LYRM9: variants seen among roughly 807,000 people sequenced by gnomAD.
LYRM9 encodes LYR motif containing 9.
In LYRM9, 14 loss-of-function variants were observed where a neutral mutation model predicts 12.6. That is an observed-to-expected ratio of 1.11 (90% CI 0.73 to 1.73). The LOEUF is 1.73. Among genes scored for constraint, LYRM9 ranks in the 40% most tolerant of loss-of-function variants. The pLI, the probability that LYRM9 is intolerant of heterozygous loss-of-function variation, is 0.00. For missense variants in LYRM9, 94 were observed against 95.0 expected (o/e 0.99, Z 0.04); for synonymous variants, 42 against 35.1 (o/e 1.20, Z -0.69).
rs1905003234 is a variant in LYRM9, at chr17:27,880,270, C to G, written c.219+4G>C. On this transcript the variant is annotated splice_donor_region_variant and intron_variant, in intron 3 of 3. Coordinates refer to ENST00000379102, the MANE Select transcript of LYRM9 (RefSeq NM_001076680.3). The stretch of plus-strand genomic sequence containing the variant: ...CAGGCAGAGCCCAGGGGCCAAGCAC[C>G]TACTTTGTTCATGATCCAGTCAGCA... The G allele has an allele frequency of 6.2e-7, 1 of 1,604,144 alleles. No individual in the cohort carries two copies. The highest frequency in any genetic ancestry group is 2.2e-5 in the East Asian group (1 of 44,664).
At chr17:27,880,099 A>G (rs546056970) in intron 3 of LYRM9, 175 bp downstream of exon 3, 1 of 707,968 alleles carries the variant, frequency 1.4e-6, no homozygotes, top group African/African-American at 1.7e-5. Context: ...TATAAATGCA[A>G]CCAGAAGGGA....
rs181695478 is a variant in LYRM9 at position 27,882,584 on chromosome 17, C to A, written c.111G>T (p.Lys37Asn). ...LPTKGIQQHY[K>N]HAVRQSFRVH... Reference sequence around the variant, plus strand: ...CAGCTCGCACCTGCCTGACAGCATGCTTGTAATGCTGCTGGATGCCCTTGG... The same window carrying A: ...CAGCTCGCACCTGCCTGACAGCATGATTGTAATGCTGCTGGATGCCCTTGG... The change falls in exon 2 of 4, where the codon AAG (lysine) becomes AAT (asparagine). Residue 37 changes from lysine to asparagine, a missense_variant. Coordinates refer to ENST00000379102, the MANE Select transcript of LYRM9 (RefSeq NM_001076680.3). The A allele has an allele frequency of 1.9e-6, 3 of 1,594,212 alleles. No homozygotes were observed. The highest frequency in any genetic ancestry group is 2.6e-6 in the Non-Finnish European group (3 of 1,171,528).
At chr17:27,882,762 T>C in intron 1 of LYRM9, 50 bp from the exon 2 acceptor site, 1 of 1,508,642 alleles carries the variant, frequency 6.6e-7, no homozygotes, top group South Asian at 1.3e-5. Flanking sequence ...AGTTCAGTAC[T>C]CAGCCCTGAC....
intron 1 of LYRM9, chr17:27,883,177 G>A (rs956206667): frequency 3.6e-5 from 13 of 359,384 alleles, no homozygotes; most frequent in Admixed American, 1.4e-4. Flanking sequence ...CCACAGCATC[G>A]GGAGCTCATC....
chr17:27,882,614 C>T lies in LYRM9; in HGVS notation c.81G>A (p.Leu27=). The T allele has an allele frequency of 6.3e-7, 1 of 1,597,322 alleles. No homozygotes were observed. The highest frequency in any genetic ancestry group is 1.3e-5 in the African/African-American group (1 of 74,688). ...YRYLLRCCQQ[L]PTKGIQQHYK... ...AATGCTGCTGGATGCCCTTGGTCGGCAGCTGCTGGCAACAGCGCAGCAAGT... is the reference window on the plus strand; with the variant it reads ...AATGCTGCTGGATGCCCTTGGTCGGTAGCTGCTGGCAACAGCGCAGCAAGT... The change falls in exon 2 of 4, where the codon CTG becomes CTA. Residue 27 remains leucine, a synonymous_variant. Coordinates refer to ENST00000379102, the MANE Select transcript of LYRM9 (RefSeq NM_001076680.3).
intron 1 of LYRM9, among the ~76,000 whole-genome samples, chr17:27,889,672 C>T (rs1905361503): frequency 6.6e-6 from 1 of 152,126 alleles, no homozygotes. Context: ...CACAATCTGC[C>T]ACCATCCTTA....
rs1425857239 is a variant in LYRM9, at chr17:27,880,302, A to G, written c.191T>C (p.Ile64Thr). 2 of 1,610,572 alleles carry G rather than the reference A, an allele frequency of 1.2e-6. No homozygotes were observed. Among genetic ancestry groups the G allele is most frequent in the African/African-American group, 1.3e-5 (1 of 75,006 alleles). The change falls in exon 3 of 4, where the codon ATT becomes ACT. Residue 64 changes from isoleucine to threonine, a missense_variant. Coordinates refer to ENST00000379102, the MANE Select transcript of LYRM9 (RefSeq NM_001076680.3). ...ERIQQIIKRAIEDADWIMNKY... is the reference protein window; with the variant it reads ...ERIQQIIKRATEDADWIMNKY... Reference sequence around the variant, plus strand: ...GTTCATGATCCAGTCAGCATCTTCAATGGCTCTTTTAATAATCTGCTGGAT... The same window carrying G: ...GTTCATGATCCAGTCAGCATCTTCAGTGGCTCTTTTAATAATCTGCTGGAT...
rs1171846555 is a variant in LYRM9, at chr17:27,878,401, T to C, written c.*1072A>G. 3 of 152,220 alleles carry C rather than the reference T, an allele frequency of 2.0e-5. No individual in the cohort carries two copies. The highest frequency in any genetic ancestry group is 1.3e-4 in the Admixed American group (2 of 15,276). The allele number at this position is 152,220 out of a possible 1,614,324, so 9.4% of individuals were successfully genotyped here. Reference sequence around the variant, plus strand: ...TTACTTCATTGCCAGCGGAGTACACTCGCATACATAGATATCTCTGAGTCA... The same window carrying C: ...TTACTTCATTGCCAGCGGAGTACACCCGCATACATAGATATCTCTGAGTCA... On this transcript the variant is annotated 3_prime_UTR_variant, in exon 4 of 4. Coordinates refer to ENST00000379102, the MANE Select transcript of LYRM9 (RefSeq NM_001076680.3).
rs1275785240 is a variant in LYRM9, at chr17:27,886,719, G to A, written c.-18-4007C>T. On this transcript the variant is annotated intron_variant, in intron 1 of 3. Transcript: ENST00000379102. This position sits in a 1 kb window ranked among gnomAD's most constrained non-coding sequence, Gnocchi z 4.8. ...GGCTGGAGTGCAATGGCGCAATCTC[G>A]ACCGCAACCTCCGCCTCCTGGGTTT... 6.7e-6 allele frequency among the ~76,000 whole-genome samples: 1 copy of A among 148,970 alleles called. No homozygotes were observed. The highest frequency in any genetic ancestry group is 2.5e-5 in the African/African-American group (1 of 40,268).
intron 1 of LYRM9, among the ~76,000 whole-genome samples, chr17:27,883,748 A>C (rs544750708): frequency 6.8e-6 from 1 of 145,994 alleles, no homozygotes; most frequent in African/African-American, 2.5e-5. Context: ...GGTCACAGAG[A>C]GGTCTGATAA....
intron 3 of LYRM9, chr17:27,879,931 G>A (rs1904987331): frequency 1.7e-6 from 1 of 600,622 alleles, no homozygotes; most frequent in Non-Finnish European, 3.0e-6. Context: ...CCCCCGCCAG[G>A]ACAGCTTCCC....
At chr17:27,891,709 G>C (rs141551343) in intron 1 of LYRM9, among the ~76,000 whole-genome samples, 1 of 152,264 alleles carries the variant, frequency 6.6e-6, no homozygotes, top group Non-Finnish European at 1.5e-5. Context: ...CTTAGAGCAG[G>C]TTTTGGAGAC....
intron 1 of LYRM9, among the ~76,000 whole-genome samples, chr17:27,884,567 A>C (rs1378328627): frequency 1.3e-5 from 2 of 152,100 alleles, no homozygotes; most frequent in African/African-American, 4.8e-5. Flanking sequence ...GCCCTTCCTC[A>C]CGGTCCCTCT....
At chr17:27,882,949 C>A (rs1158698878) in intron 1 of LYRM9, 16 of 607,464 alleles carry the variant, frequency 2.6e-5, no homozygotes, top group Admixed American at 8.6e-5. Flanking sequence ...AGCCTCATCC[C>A]TGGCGTCTTC....
intron 3 of LYRM9, 105 bp downstream of exon 3, chr17:27,880,169 A>T (rs1480298044): frequency 1.1e-6 from 1 of 890,852 alleles, no homozygotes; most frequent in African/African-American, 1.7e-5. Context: ...CCTCCTCCAC[A>T]GGGACCATTC....
rs1904959033 is a variant in LYRM9 at position 27,879,399 on chromosome 17, C to G, written c.*74G>C. On this transcript the variant is annotated 3_prime_UTR_variant, in exon 4 of 4. Transcript: ENST00000379102. ...AACAAGGCCAATGGCTCTTCCAAAC[C>G]AGCTGCTGCTGCTGAGCTCCAGAAG... is the stretch of plus-strand genomic sequence containing the variant. 2.7e-6 allele frequency: 4 copies of G among 1,489,554 alleles called. No homozygotes were observed. In the East Asian group the frequency reaches 1.0e-4, roughly 37 times the overall value. The allele number at this position is 1,489,554 out of a possible 1,614,324, so 92.3% of individuals were successfully genotyped here. A position where few individuals can be genotyped will look rare whatever the true frequency, so the allele number is the denominator to read the frequency against.
At chr17:27,883,363 C>T (rs772537884) in intron 1 of LYRM9, 10 of 190,618 alleles carry the variant, frequency 5.2e-5, no homozygotes, top group Admixed American at 1.2e-4. Context: ...TTTCATTTCA[C>T]TATGAGTTAT....
Position 27,879,451 on chromosome 17 carries a change from G to T in LYRM9, c.*22C>A. 1 of 1,550,686 alleles carries T rather than the reference G, an allele frequency of 6.4e-7. No homozygotes were observed. Reference sequence around the variant, plus strand: ...GGGGCCTCTCAACTTCCAGAGGCCAGGAAGGCTCACCCTCGGAGCTCTCAG... The same window carrying T: ...GGGGCCTCTCAACTTCCAGAGGCCATGAAGGCTCACCCTCGGAGCTCTCAG... On this transcript the variant is annotated 3_prime_UTR_variant, in exon 4 of 4. Coordinates refer to ENST00000379102, the MANE Select transcript of LYRM9 (RefSeq NM_001076680.3).
At position 27,879,012 on chromosome 17, in the gene LYRM9, A is replaced by C. The variant is rs1315294855; in HGVS notation, c.*461T>G. On this transcript the variant is annotated 3_prime_UTR_variant, in exon 4 of 4. Coordinates refer to ENST00000379102, the MANE Select transcript of LYRM9 (RefSeq NM_001076680.3). ...CCCTTCAGGCACTGTCATGTGCCAC[A>C]TCCTGTGTGAGGCACTTCACCTTCA... The C allele has an allele frequency of 6.2e-6, 1 of 160,808 alleles. No individual in the cohort carries two copies. The highest frequency in any genetic ancestry group is 1.4e-5 in the Non-Finnish European group (1 of 73,872). 10.0% of individuals were successfully genotyped at this position (160,808 alleles called of 1,614,324 possible).
Sources: allele counts gnomAD v4.1 joint callset (sites outside exome capture counted in the v4.1 genomes callset), GRCh38; gene constraint gnomAD v4.1.1; non-coding constraint Gnocchi (gnomAD v3.1); transcripts MANE v1.5; gene names NCBI Gene and HGNC (gene_info 2026-07-23, HGNC 2026-07-21).